DSCAML1: variants seen among roughly 807,000 people sequenced by gnomAD.
DSCAML1 encodes the protein DS cell adhesion molecule like 1, also known as cell adhesion molecule DSCAML1.
A neutral mutation model predicts 200.5 loss-of-function variants in DSCAML1; 38 were observed. The observed-to-expected ratio is 0.19, with a 90% CI of 0.15 to 0.25. The LOEUF (loss-of-function observed/expected upper bound fraction) is 0.25, where lower values mean the gene tolerates loss of function less well. DSCAML1 is among the 10% of genes least tolerant of loss of function. The pLI, the probability that DSCAML1 is intolerant of heterozygous loss-of-function variation, is 1.00. For synonymous variants in DSCAML1, 1,215 were observed against 1,165.0 expected (o/e 1.04, Z -0.87); for missense variants, 2,223 against 2,858.8 (o/e 0.78, Z 5.07).
At chr11:117,564,924 C>T (rs55686795) in intron 3 of DSCAML1, among the ~76,000 whole-genome samples, 3 of 151,998 alleles carry the variant, frequency 2.0e-5, no homozygotes, top group Admixed American at 6.6e-5. Flanking sequence ...TGCCACCATA[C>T]CCAGCTAATT....
At chr11:117,567,849 G>C (rs2050783440) in intron 3 of DSCAML1, among the ~76,000 whole-genome samples, 1 of 152,066 alleles carries the variant, frequency 6.6e-6, no homozygotes, top group Admixed American at 6.5e-5. Flanking sequence ...TAGAAAAAGA[G>C]GGAATCCTCC....
At position 117,465,023 on chromosome 11, in the gene DSCAML1, A is replaced by G. The variant is rs770169261; in HGVS notation, c.3184T>C (p.Tyr1062His). The change falls in exon 17 of 33, where the codon TAT becomes CAT. Residue 1062 changes from tyrosine to histidine, a missense_variant. By Grantham distance (83) the Tyr-to-His change is moderately conservative. This residue lies in a region of DSCAML1 where 438 missense variants were observed against 629.7 expected (regional missense o/e 0.70). Transcript: ENST00000651296. ...TTGAAGGCTTGGACCACCACCCCAT[A>G]CTGGGCGAACTTCTTGAGGTTGTCC... is the stretch of plus-strand genomic sequence containing the variant. ...TLDNLKKFAQ[Y>H]GVVVQAFNRA... 6.2e-7 allele frequency: 1 copy of G among 1,614,014 alleles called. No individual in the cohort carries two copies. Among genetic ancestry groups the G allele is most frequent in the South Asian group, 1.1e-5 (1 of 91,066 alleles).
At chr11:117,697,824 T>C (rs1050982467) in intron 3 of DSCAML1, among the ~76,000 whole-genome samples, 2 of 149,298 alleles carry the variant, frequency 1.3e-5, no homozygotes, top group Non-Finnish European at 3.0e-5. Flanking sequence ...GAGGCTGGAG[T>C]GCAGTGGCGT....
chr11:117,802,751 G>A (rs1465346246), intron 1 of DSCAML1, among the ~76,000 whole-genome samples: 6 of 152,136 alleles, frequency 3.9e-5, no homozygotes, highest in Admixed American at 1.3e-4. Context: ...TGTAGGCAGC[G>A]CCTCTAGGTT....
chr11:117,694,540 A>G (rs80125848), intron 3 of DSCAML1, among the ~76,000 whole-genome samples: 9,658 of 152,264 alleles, frequency 0.063, 1,007 homozygotes, highest in African/African-American at 0.22. Context: ...TCTCCTTTCA[A>G]ATGAATGCTG....
intron 3 of DSCAML1, among the ~76,000 whole-genome samples, chr11:117,566,024 C>T (rs1053649882): frequency 6.6e-6 from 1 of 152,228 alleles, no homozygotes; most frequent in Non-Finnish European, 1.5e-5. Flanking sequence ...TCTCAGAGCT[C>T]ATGCTGATCT....
intron 11 of DSCAML1, among the ~76,000 whole-genome samples, chr11:117,495,467 C>T (rs527827741): frequency 1.3e-5 from 2 of 152,296 alleles, no homozygotes; most frequent in East Asian, 1.9e-4. Context: ...GGTGGAGGCT[C>T]AGGCTTCTAG....
chr11:117,731,021 G>T (rs1307966820), intron 3 of DSCAML1, among the ~76,000 whole-genome samples: 1 of 152,208 alleles, frequency 6.6e-6, no homozygotes, highest in Non-Finnish European at 1.5e-5. Context: ...ACTGTTAATG[G>T]TTGTGGGGTT....
chr11:117,504,445 C>T lies in DSCAML1; in HGVS notation c.2183-424G>A, dbSNP rs900946190. Among the ~76,000 whole-genome samples, 1 of 152,176 alleles carries T rather than the reference C, an allele frequency of 6.6e-6. No individual in the cohort carries two copies. Among genetic ancestry groups the T allele is most frequent in the Non-Finnish European group, 1.5e-5 (1 of 68,020 alleles). ...GCATCCTCCAAGGGGGCCTTGTGGG[C>T]ACCCCCTGTCCCTCCATTCCCCAGT... On this transcript the variant is annotated intron_variant, in intron 10 of 32. Transcript: ENST00000651296. The surrounding 1 kb of genome is among the most constrained non-coding windows in gnomAD (Gnocchi z 5.0).
intron 19 of DSCAML1, among the ~76,000 whole-genome samples, chr11:117,456,168 T>C (rs2048364620): frequency 6.6e-6 from 1 of 152,190 alleles, no homozygotes; most frequent in Non-Finnish European, 1.5e-5. Flanking sequence ...CTCCCTCTTC[T>C]CACTCTGAAC....
intron 13 of DSCAML1, 64 bp downstream of exon 13, chr11:117,481,110 A>C: frequency 6.8e-7 from 1 of 1,463,294 alleles, no homozygotes; most frequent in African/African-American, 1.4e-5. Context: ...TTTGAGGTGG[A>C]GTTAGCGGTG....
intron 3 of DSCAML1, among the ~76,000 whole-genome samples, chr11:117,581,787 C>T (rs987333898): frequency 2.6e-5 from 4 of 152,168 alleles, no homozygotes; most frequent in East Asian, 3.8e-4. Context: ...GATGAAGCCA[C>T]GATTTAAGCT....
intron 3 of DSCAML1, among the ~76,000 whole-genome samples, chr11:117,551,754 C>T (rs927999494): frequency 5.3e-5 from 8 of 151,484 alleles, no homozygotes; most frequent in East Asian, 2.0e-4. Flanking sequence ...CTGAGGGCTT[C>T]GTGTAATTTA....
Position 117,582,215 on chromosome 11 carries a change from G to T in DSCAML1, c.512-49693C>A, listed in dbSNP as rs375283535. ...TTATTTCAGCTGCTGCTTTGTGGAT[G>T]TTGGGCTCTGTAGCCATTTACAAGT... On this transcript the variant is annotated intron_variant, in intron 3 of 32. Transcript: ENST00000651296. 1.8e-3 allele frequency among the ~76,000 whole-genome samples: 278 copies of T among 152,332 alleles called. 2 individuals carry two copies. Among genetic ancestry groups the T allele is most frequent in the African/African-American group, 6.2e-3 (259 of 41,584 alleles).
intron 3 of DSCAML1, among the ~76,000 whole-genome samples, chr11:117,658,328 T>C (rs2052774174): frequency 6.6e-6 from 1 of 152,192 alleles, no homozygotes; most frequent in Admixed American, 6.5e-5. Flanking sequence ...GGTTGCCCCT[T>C]CTAGCTCACA....
chr11:117,525,110 C>A, intron 4 of DSCAML1, 27 bp from the exon 5 acceptor site: 4 of 1,506,420 alleles, frequency 2.7e-6, no homozygotes, highest in Non-Finnish European at 3.5e-6. Context: ...GTCGGCAGCC[C>A]TGGCCAGCCC....
At chr11:117,499,805 T>C (rs2049361997) in intron 11 of DSCAML1, among the ~76,000 whole-genome samples, 1 of 152,192 alleles carries the variant, frequency 6.6e-6, no homozygotes, top group Admixed American at 6.5e-5. Context: ...GTCCAAGGAC[T>C]TGGAAAACCA....
At chr11:117,651,900 A>G (rs990244646) in intron 3 of DSCAML1, among the ~76,000 whole-genome samples, 15 of 152,130 alleles carry the variant, frequency 9.9e-5, no homozygotes, top group Non-Finnish European at 1.3e-4. Flanking sequence ...CGGGGATGAC[A>G]ATGCCTACTC....
chr11:117,781,880 C>G (rs1437996963), intron 1 of DSCAML1, among the ~76,000 whole-genome samples: 1 of 152,244 alleles, frequency 6.6e-6, no homozygotes, highest in Non-Finnish European at 1.5e-5. Flanking sequence ...TTCCTCTTAT[C>G]CCAGCATCAG....
Sources: allele counts gnomAD v4.1 joint callset (sites outside exome capture counted in the v4.1 genomes callset), GRCh38; gene constraint gnomAD v4.1.1; regional missense constraint gnomAD v4.1.1; non-coding constraint Gnocchi (gnomAD v3.1); transcripts MANE v1.5; gene names NCBI Gene and HGNC (gene_info 2026-07-23, HGNC 2026-07-21).